PLCL2: variants seen among roughly 807,000 people sequenced by gnomAD.
PLCL2 encodes phospholipase C like 2, also known as inactive phospholipase C-like protein 2.
Under a neutral mutation model 79.6 loss-of-function variants are expected in PLCL2, and 4 were observed. That is an observed-to-expected ratio of 0.05 (90% CI 0.02 to 0.11). PLCL2 has a LOEUF of 0.11. Among genes scored for constraint, PLCL2 ranks in the 10% least tolerant of loss-of-function variants. The probability of loss-of-function intolerance (pLI) is 1.00; values close to 1 mark genes in which losing one functional copy is unlikely to be tolerated. For missense variants in PLCL2, 895 were observed against 1,291.0 expected (o/e 0.69, Z 4.70); for synonymous variants, 484 against 457.7 (o/e 1.06, Z -0.73).
chr3:17,007,431 G>C (rs1420477929), intron 1 of PLCL2, among the ~76,000 whole-genome samples: 1 of 152,162 alleles, frequency 6.6e-6, no homozygotes, highest in Non-Finnish European at 1.5e-5. Context: ...TTAGGGATTT[G>C]AAATGGCTTT....
intron 4 of PLCL2, among the ~76,000 whole-genome samples, chr3:17,065,936 C>G (rs1482800527): frequency 6.6e-6 from 1 of 152,202 alleles, no homozygotes; most frequent in Non-Finnish European, 1.5e-5. Context: ...TATGGTACCT[C>G]CTGACTGCCA....
intron 1 of PLCL2, among the ~76,000 whole-genome samples, chr3:16,954,006 C>A (rs1449562785): frequency 2.0e-5 from 3 of 151,834 alleles, no homozygotes; most frequent in Non-Finnish European, 4.4e-5. Flanking sequence ...GTGACATATA[C>A]ATTTTTGTTT....
At chr3:17,068,198 G>A (rs2065028802) in intron 5 of PLCL2, 133 bp downstream of exon 5, 1 of 593,876 alleles carries the variant, frequency 1.7e-6, no homozygotes, top group Non-Finnish European at 3.0e-6. Flanking sequence ...GAAATCACAT[G>A]AAGAACTCTG....
chr3:16,930,330 T>C (rs979139406), intron 1 of PLCL2, among the ~76,000 whole-genome samples: 2 of 152,188 alleles, frequency 1.3e-5, no homozygotes, highest in Admixed American at 1.3e-4. Flanking sequence ...AGTTCATAAA[T>C]ACTTGTGGCT....
chr3:16,922,729 A>G (rs905335737), intron 1 of PLCL2, among the ~76,000 whole-genome samples: 1 of 151,364 alleles, frequency 6.6e-6, no homozygotes, highest in Non-Finnish European at 1.5e-5. Context: ...AAATAAAAAT[A>G]TTATTAAGAA....
chr3:17,014,929 C>G lies in PLCL2; in HGVS notation c.3018+18C>G, dbSNP rs993770416. 6.3e-7 allele frequency: 1 copy of G among 1,592,854 alleles called. No homozygotes were observed. The highest frequency in any genetic ancestry group is 8.6e-7 in the Non-Finnish European group (1 of 1,161,764). ...ATGACATGGTGAGTTGTCCTTTGTC[C>G]GTTTACATAGCCTGGGTGAGAGAGA... On this transcript the variant is annotated intron_variant, in intron 3 of 5. Transcript: ENST00000615277.
intron 1 of PLCL2, among the ~76,000 whole-genome samples, chr3:16,928,354 C>T (rs1487340293): frequency 6.6e-6 from 1 of 152,198 alleles, no homozygotes; most frequent in Admixed American, 6.5e-5. Flanking sequence ...GGAGACCAGG[C>T]AGTAGAATGC....
intron 1 of PLCL2, among the ~76,000 whole-genome samples, chr3:16,982,613 G>A (rs975793601): frequency 2.6e-5 from 4 of 152,164 alleles, no homozygotes; most frequent in African/African-American, 4.8e-5. Flanking sequence ...GATATAGTAC[G>A]TAGTGTCTAG....
chr3:16,957,225 T>C (rs2063714348), intron 1 of PLCL2, among the ~76,000 whole-genome samples: 1 of 152,234 alleles, frequency 6.6e-6, no homozygotes, highest in African/African-American at 2.4e-5. Context: ...TCTGGTATGT[T>C]GTGTGTTTGT....
intron 1 of PLCL2, among the ~76,000 whole-genome samples, chr3:16,955,947 C>T (rs1266820542): frequency 9.9e-5 from 15 of 152,162 alleles, no homozygotes; most frequent in Admixed American, 7.2e-4. Context: ...ATGGGGTTTT[C>T]GAGATATACA....
rs755440814 is a variant in PLCL2, at chr3:17,067,975, C to T, written c.3114C>T (p.His1038=). ...CQKAAMEFHE[H]LHSIGTKEGL... The stretch of plus-strand genomic sequence containing the variant: ...TTTCAGCCATGGAATTCCATGAACA[C>T]TTGCACAGCATAGGCACCAAGGAAG... The change falls in exon 5 of 6, where the codon CAC becomes CAT. Residue 1038 remains histidine, a synonymous_variant. Coordinates refer to ENST00000615277, the MANE Select transcript of PLCL2 (RefSeq NM_001144382.2). The T allele has an allele frequency of 1.9e-5, 31 of 1,608,194 alleles. No homozygotes were observed. Among genetic ancestry groups the T allele is most frequent in the Non-Finnish European group, 2.6e-5 (30 of 1,175,772 alleles).
intron 1 of PLCL2, among the ~76,000 whole-genome samples, chr3:16,955,585 G>A (rs2124963420): frequency 6.6e-6 from 1 of 152,262 alleles, no homozygotes; most frequent in Non-Finnish European, 1.5e-5. Context: ...GTAGCTTGAT[G>A]GGGATGGCAT....
At chr3:16,960,670 C>A (rs1414566563) in intron 1 of PLCL2, among the ~76,000 whole-genome samples, 3 of 152,224 alleles carry the variant, frequency 2.0e-5, no homozygotes, top group Admixed American at 2.0e-4. Context: ...GAATCAACAA[C>A]ATCTGAAGTC....
At chr3:17,078,749 A>G (rs2065132842) in intron 5 of PLCL2, among the ~76,000 whole-genome samples, 1 of 152,168 alleles carries the variant, frequency 6.6e-6, no homozygotes, top group Non-Finnish European at 1.5e-5. Context: ...TTGAAGACTT[A>G]AAGACTGGCA....
chr3:17,019,945 A>G (rs2064429971), intron 3 of PLCL2, among the ~76,000 whole-genome samples: 1 of 152,232 alleles, frequency 6.6e-6, no homozygotes, highest in African/African-American at 2.4e-5. Flanking sequence ...TCTAGGGAAT[A>G]TCTGGATACT....
intron 3 of PLCL2, among the ~76,000 whole-genome samples, chr3:17,027,248 A>G (rs1401486293): frequency 1.3e-5 from 2 of 152,160 alleles, no homozygotes; most frequent in Non-Finnish European, 2.9e-5. Context: ...TGAGAAACAC[A>G]TGTTTCTGTA....
intron 1 of PLCL2, among the ~76,000 whole-genome samples, chr3:16,955,645 T>A (rs1045069643): frequency 8.5e-5 from 13 of 152,364 alleles, no homozygotes; most frequent in Admixed American, 8.5e-4. Flanking sequence ...CCATATTGGT[T>A]CTTCCTACCC....
Position 17,017,419 on chromosome 3 carries a change from T to G in PLCL2, c.3018+2508T>G, listed in dbSNP as rs566479762. 5.4e-4 allele frequency among the ~76,000 whole-genome samples: 82 copies of G among 152,342 alleles called. 1 individual carries two copies. The South Asian group carries it at 0.017, about 32-fold the overall frequency. ...TATGGCTGCAGCAATATTATAACTC[T>G]TGTAATATTTTGCAGTTCTTTTTAG... On this transcript the variant is annotated intron_variant, in intron 3 of 5. Transcript: ENST00000615277.
intron 4 of PLCL2, among the ~76,000 whole-genome samples, chr3:17,066,128 G>A (rs138728929): frequency 1.9e-3 from 290 of 152,292 alleles, no homozygotes; most frequent in Middle Eastern, 0.01. Flanking sequence ...AAGTGTGTGT[G>A]TGGCATTGGG....
Sources: gnomAD v4.1 joint callset for allele counts (sites outside exome capture counted in the v4.1 genomes callset) on GRCh38, gnomAD v4.1.1 for gene constraint, MANE v1.5 for transcripts, NCBI Gene and HGNC (gene_info 2026-07-23, HGNC 2026-07-21) for gene names.